The following MSRB3 variants were observed in gnomAD, a reference collection of about 807,000 sequenced individuals.
MSRB3 encodes the protein methionine-R-sulfoxide reductase B3.
MSRB3 carries 13 observed loss-of-function variants against 21.0 expected under a neutral mutation model. The ratio of observed to expected loss-of-function variants is 0.62; its 90% CI spans 0.40 to 0.98. The LOEUF is 0.98. MSRB3 is among the 50% of genes least tolerant of loss of function. MSRB3 has a pLI of 0.00. For synonymous variants in MSRB3, 87 were observed against 88.6 expected (o/e 0.98, Z 0.10); for missense variants, 199 against 230.3 (o/e 0.86, Z 0.88).
chr12:65,379,904 G>A (rs1878846804), intron 5 of MSRB3, among the ~76,000 whole-genome samples: 1 of 152,202 alleles, frequency 6.6e-6, no homozygotes, highest in South Asian at 2.1e-4. Flanking sequence ...GCATGTGCAT[G>A]TAGAGCACTT....
At position 65,463,403 on chromosome 12, in the gene MSRB3, AT is replaced by A; in HGVS notation, c.*87del. On this transcript the variant is annotated 3_prime_UTR_variant, in exon 7 of 7. Transcript: ENST00000308259. Reference sequence around the variant, plus strand: ...TCAAAATTGTTATCTTAATAGATATATTTTTTCAAAAACTATAAGGGCAGTT... The same window carrying A: ...TCAAAATTGTTATCTTAATAGATATATTTTTCAAAAACTATAAGGGCAGTT... The A allele has an allele frequency of 6.6e-7, 1 of 1,514,182 alleles. No homozygotes were observed. The highest frequency in any genetic ancestry group is 8.9e-7 in the Non-Finnish European group (1 of 1,118,798). 93.8% of individuals were successfully genotyped at this position (1,514,182 alleles called of 1,614,324 possible).
At chr12:65,278,894 C>T in intron 1 of MSRB3, 29 bp downstream of exon 1, 1 of 1,548,246 alleles carries the variant, frequency 6.5e-7, no homozygotes, top group East Asian at 2.4e-5. Flanking sequence ...CCCCTCTCCT[C>T]CTCGCCTCAC....
intron 5 of MSRB3, among the ~76,000 whole-genome samples, chr12:65,392,153 C>T (rs1462919378): frequency 2.6e-5 from 4 of 152,038 alleles, no homozygotes; most frequent in African/African-American, 2.4e-5. Context: ...GGTGCCTGGG[C>T]CCATCCTAGA....
At chr12:65,303,402 A>T (rs1873459845) in intron 1 of MSRB3, among the ~76,000 whole-genome samples, 1 of 152,096 alleles carries the variant, frequency 6.6e-6, no homozygotes, top group African/African-American at 2.4e-5. Flanking sequence ...GAGATTTTTG[A>T]CCAAAATAGG....
intron 5 of MSRB3, among the ~76,000 whole-genome samples, chr12:65,442,313 G>A (rs532922609): frequency 6.6e-6 from 1 of 152,078 alleles, no homozygotes; most frequent in Non-Finnish European, 1.5e-5. Flanking sequence ...ATTTATGAGA[G>A]GAATTACTCT....
At chr12:65,463,019 G>A in intron 6 of MSRB3, 136 bp from the exon 7 acceptor site, 1 of 1,089,836 alleles carries the variant, frequency 9.2e-7, no homozygotes, top group South Asian at 1.3e-5. Context: ...CTATTGACAG[G>A]CGGATTAGAA....
chr12:65,317,836 A>AATT (rs1874398959), intron 2 of MSRB3, among the ~76,000 whole-genome samples: 1 of 152,342 alleles, frequency 6.6e-6, no homozygotes, highest in East Asian at 1.9e-4. Flanking sequence ...CATAGCCAAG[A>AATT]TCATTATTTA....
At chr12:65,389,146 A>G (rs1879340467) in intron 5 of MSRB3, among the ~76,000 whole-genome samples, 1 of 152,154 alleles carries the variant, frequency 6.6e-6, no homozygotes, top group African/African-American at 2.4e-5. Context: ...TCACCCTTCA[A>G]CTGTACATAA....
chr12:65,366,707 A>G (rs1478718938), intron 4 of MSRB3, among the ~76,000 whole-genome samples: 1 of 152,192 alleles, frequency 6.6e-6, no homozygotes, highest in Non-Finnish European at 1.5e-5. Context: ...CCACAGTGTG[A>G]CATTCAGGTA....
intron 5 of MSRB3, among the ~76,000 whole-genome samples, chr12:65,433,097 T>A (rs1881961293): frequency 6.6e-6 from 1 of 152,006 alleles, no homozygotes. Flanking sequence ...AATTACCATA[T>A]AATCCAGCAA....
chr12:65,278,807 C>A lies in MSRB3; in HGVS notation c.-110C>A. The A allele has an allele frequency of 6.4e-7, 1 of 1,571,154 alleles. No homozygotes were observed. The highest frequency in any genetic ancestry group is 2.4e-5 in the East Asian group (1 of 42,462). On this transcript the variant is annotated 5_prime_UTR_variant, in exon 1 of 7. In the 5' UTR this introduces an upstream ATG that the reference lacks. Transcript: ENST00000308259. Reference sequence around the variant, plus strand: ...GGACCCTCCCGCGCCCCCTCTCGCTCTGCCTCTCCCTCTGCCTCTGCCTCT... The same window carrying A: ...GGACCCTCCCGCGCCCCCTCTCGCTATGCCTCTCCCTCTGCCTCTGCCTCT...
chr12:65,443,242 A>G (rs548310454), intron 5 of MSRB3, among the ~76,000 whole-genome samples: 1 of 152,148 alleles, frequency 6.6e-6, no homozygotes, highest in Non-Finnish European at 1.5e-5. Context: ...CCAGATGTTC[A>G]CAGTGCCCAA....
chr12:65,402,231 A>C (rs564856816), intron 5 of MSRB3, among the ~76,000 whole-genome samples: 180 of 152,170 alleles, frequency 1.2e-3, no homozygotes, highest in Admixed American at 3.3e-3. Flanking sequence ...CATTCTCCCC[A>C]TCACTTTCGG....
chr12:65,452,355 T>C (rs913094596), intron 5 of MSRB3, among the ~76,000 whole-genome samples: 2 of 152,302 alleles, frequency 1.3e-5, no homozygotes, highest in Non-Finnish European at 2.9e-5. Flanking sequence ...TCACTAGCAA[T>C]TGGCACTTCT....
At chr12:65,359,736 G>T (rs1235735734) in intron 4 of MSRB3, among the ~76,000 whole-genome samples, 1 of 152,140 alleles carries the variant, frequency 6.6e-6, no homozygotes, top group African/African-American at 2.4e-5. Flanking sequence ...TTTGAAAATA[G>T]TGATGAGGAG....
rs1053779035 is a variant in MSRB3 at position 65,466,753 on chromosome 12, A to G, written c.*3431A>G. On this transcript the variant is annotated 3_prime_UTR_variant, in exon 7 of 7. Coordinates refer to ENST00000308259, the MANE Select transcript of MSRB3 (RefSeq NM_001031679.3). ...GTAAAGGGGATTATCTTTTGTTTAG[A>G]TGGTTAAATATTATTTTTGCCTTAG... The G allele has an allele frequency of 1.3e-5, 2 of 152,222 alleles. No individual in the cohort carries two copies. Among genetic ancestry groups the G allele is most frequent in the African/African-American group, 4.8e-5 (2 of 41,454 alleles). The allele number at this position is 152,222 out of a possible 1,614,324, so 9.4% of individuals were successfully genotyped here.
At chr12:65,406,510 TAC>T (rs1311862951) in intron 5 of MSRB3, among the ~76,000 whole-genome samples, 3 of 152,214 alleles carry the variant, frequency 2.0e-5, no homozygotes, top group Non-Finnish European at 4.4e-5. Context: ...AATGTCTGTA[TAC>T]CCAAAACTAT....
At chr12:65,413,317 GAAT>G (rs1880811478) in intron 5 of MSRB3, among the ~76,000 whole-genome samples, 1 of 152,296 alleles carries the variant, frequency 6.6e-6, no homozygotes, top group East Asian at 1.9e-4. Context: ...CTAACTCCAT[GAAT>G]ATCTAGCAGA....
chr12:65,396,871 T>C (rs1592598001), intron 5 of MSRB3, among the ~76,000 whole-genome samples: 1 of 152,204 alleles, frequency 6.6e-6, no homozygotes, highest in Non-Finnish European at 1.5e-5. Flanking sequence ...ATGTTCATTA[T>C]ATCCAGTTGA....
Sources: gnomAD v4.1 joint callset for allele counts (sites outside exome capture counted in the v4.1 genomes callset) on GRCh38, gnomAD v4.1.1 for gene constraint, MANE v1.5 for transcripts, NCBI Gene and HGNC (gene_info 2026-07-23, HGNC 2026-07-21) for gene names.